Variants in DAB1 observed in about 807,000 individuals in gnomAD.
DAB1 encodes DAB adaptor protein 1, also known as disabled homolog 1.
In DAB1, 15 loss-of-function variants were observed where a neutral mutation model predicts 64.6. That is an observed-to-expected ratio of 0.23 (90% confidence interval 0.16 to 0.36). DAB1 has a LOEUF of 0.36. Among genes scored for constraint, DAB1 ranks in the 10% least tolerant of loss-of-function variants. The pLI is 1.00. For missense variants in DAB1, 596 were observed against 706.7 expected, an observed-to-expected ratio of 0.84 and a Z score of 1.78; for synonymous variants, 235 against 251.9, an observed-to-expected ratio of 0.93 and a Z score of 0.64.
chr1:57,119,624 G>A (rs1656455364), intron 4 of DAB1, among the ~76,000 whole-genome samples: 1 of 152,162 alleles, frequency 6.6e-6, no homozygotes, highest in South Asian at 2.1e-4. Context: ...TCAGAAGTGT[G>A]ACAGAACTGA....
At position 57,226,871 on chromosome 1, in the gene DAB1, T is replaced by C. The variant is rs181780286; in HGVS notation, c.67+64093A>G. On this transcript the variant is annotated intron_variant, in intron 2 of 14. Coordinates refer to ENST00000371236, the MANE Select transcript of DAB1 (RefSeq NM_001365792.1). Reference sequence around the variant, plus strand: ...TATCACCCATCCTGCCATGAAACCATTTCATTCTTTAAATCCAATAAATGG... The same window carrying C: ...TATCACCCATCCTGCCATGAAACCACTTCATTCTTTAAATCCAATAAATGG... Among the ~76,000 whole-genome samples the C allele has an allele frequency of 1.3e-3, 203 of 151,936 alleles. 1 individual carries two copies. Among genetic ancestry groups the C allele is most frequent in the Non-Finnish European group, 2.3e-3 (159 of 67,948 alleles).
chr1:57,540,899 T>C (rs899380547), intron 7 of DAB1, among the ~76,000 whole-genome samples: 4 of 152,170 alleles, frequency 2.6e-5, no homozygotes, highest in Admixed American at 2.6e-4. Context: ...AAAGTCCTAA[T>C]GTTTAATAAC....
At chr1:57,044,815 A>G (rs1189341738) in intron 9 of DAB1, among the ~76,000 whole-genome samples, 1 of 152,238 alleles carries the variant, frequency 6.6e-6, no homozygotes, top group Non-Finnish European at 1.5e-5. Context: ...AATGGGTCAC[A>G]GGGTAATATT....
At chr1:57,054,039 T>C (rs1649492741) in intron 9 of DAB1, among the ~76,000 whole-genome samples, 1 of 152,122 alleles carries the variant, frequency 6.6e-6, no homozygotes, top group South Asian at 2.1e-4. Flanking sequence ...CACTGACTGG[T>C]TATTACTGAT....
At chr1:57,088,339 G>A (rs942822124) in intron 4 of DAB1, among the ~76,000 whole-genome samples, 9 of 152,240 alleles carry the variant, frequency 5.9e-5, no homozygotes, top group African/African-American at 1.4e-4. Flanking sequence ...CCAAAGTGTC[G>A]GGATTACAGG....
At chr1:57,009,845 A>C (rs706352) in intron 14 of DAB1, among the ~76,000 whole-genome samples, 6,142 of 152,302 alleles carry the variant, frequency 0.04, 395 homozygotes, top group African/African-American at 0.14. Context: ...TTCAAGTGCC[A>C]AAAGCCACTT....
intron 1 of DAB1, among the ~76,000 whole-genome samples, chr1:57,331,315 C>T (rs542548390): frequency 7.2e-5 from 11 of 152,182 alleles, no homozygotes; most frequent in South Asian, 2.1e-4. Context: ...TTTACCCTCC[C>T]GGTAACCTTA....
chr1:58,373,306 A>G (rs898893838), intron 3 of DAB1, among the ~76,000 whole-genome samples: 60 of 131,676 alleles, frequency 4.6e-4, no homozygotes, highest in African/African-American at 1.4e-3. Context: ...ATATCTCCCA[A>G]TGCTATCCCT....
At chr1:57,916,930 C>G (rs1346818533) in intron 5 of DAB1, among the ~76,000 whole-genome samples, 2 of 147,912 alleles carry the variant, frequency 1.4e-5, no homozygotes, top group African/African-American at 5.0e-5. Context: ...GTGTCAAGAG[C>G]GAAACTCTGT....
Position 58,474,001 on chromosome 1 carries a change from T to C in DAB1, n.257+32059A>G, listed in dbSNP as rs1377580804. 4.1e-6 allele frequency: 5 copies of C among 1,206,198 alleles called. No individual in the cohort carries two copies. The Admixed American group carries it at 6.9e-5, about 17-fold the overall frequency. The allele number at this position is 1,206,198 out of a possible 1,614,324, so 74.7% of individuals were successfully genotyped here. A position where few individuals can be genotyped will look rare whatever the true frequency, so the allele number is the denominator to read the frequency against. On this transcript the variant is annotated intron_variant and non_coding_transcript_variant, in intron 3 of 20. Transcript: ENST00000485760. ...ATGCACGTAAATATCACTTTATGCC[T>C]GGACTTTGATTTCCGAGTCAAACTT...
intron 5 of DAB1, among the ~76,000 whole-genome samples, chr1:58,033,395 T>C (rs1367620102): frequency 3.9e-5 from 6 of 152,162 alleles, no homozygotes; most frequent in African/African-American, 1.4e-4. Flanking sequence ...CCATACAACT[T>C]CACGGTTCCT....
At chr1:57,366,632 C>T (rs1339984900) in intron 1 of DAB1, among the ~76,000 whole-genome samples, 1 of 152,214 alleles carries the variant, frequency 6.6e-6, no homozygotes, top group South Asian at 2.1e-4. Flanking sequence ...AAAAGCTTAT[C>T]ATATACCAGA....
At position 57,710,540 on chromosome 1, in the gene DAB1, C is replaced by T. The variant is rs533985695; in HGVS notation, n.552-60875G>A. ...ACCATGAGAGAGCTTAAGTATTAGT[C>T]GGTTTTCCCAAAGTTGACTTAAAAC... On this transcript the variant is annotated intron_variant and non_coding_transcript_variant, in intron 6 of 20. Transcript: ENST00000485760. 6.0e-4 allele frequency among the ~76,000 whole-genome samples: 91 copies of T among 152,190 alleles called. 1 individual carries two copies. The highest frequency in any genetic ancestry group is 1.9e-3 in the African/African-American group (80 of 41,532).
intron 4 of DAB1, among the ~76,000 whole-genome samples, chr1:58,254,437 C>T (rs1385928723): frequency 7.0e-6 from 1 of 142,226 alleles, no homozygotes; most frequent in Non-Finnish European, 1.5e-5. Flanking sequence ...TACATGTGCA[C>T]ATTGTGCAGG....
At chr1:57,386,004 T>C (rs1681784733) in intron 1 of DAB1, among the ~76,000 whole-genome samples, 2 of 152,252 alleles carry the variant, frequency 1.3e-5, no homozygotes, top group South Asian at 2.1e-4. Context: ...CCAAATGGTG[T>C]CACTCCCCAG....
intron 1 of DAB1, among the ~76,000 whole-genome samples, chr1:57,391,666 T>G (rs186250704): frequency 6.6e-6 from 1 of 152,212 alleles, no homozygotes. Flanking sequence ...AAATGTGTCT[T>G]GATGCTATCA....
At chr1:57,468,583 T>G (rs1313010790) in intron 7 of DAB1, among the ~76,000 whole-genome samples, 2 of 152,110 alleles carry the variant, frequency 1.3e-5, no homozygotes, top group African/African-American at 4.8e-5. Flanking sequence ...CAGACAGGGT[T>G]GGTATGGCAG....
chr1:57,111,879 G>C (rs900478916), intron 4 of DAB1, among the ~76,000 whole-genome samples: 4 of 152,144 alleles, frequency 2.6e-5, no homozygotes, highest in African/African-American at 9.7e-5. Context: ...CCCAAGTCTA[G>C]GATGCATTTG....
At chr1:58,237,309 A>C (rs1375005424) in intron 4 of DAB1, among the ~76,000 whole-genome samples, 1 of 152,220 alleles carries the variant, frequency 6.6e-6, no homozygotes, top group East Asian at 1.9e-4. Flanking sequence ...CATGTACTCT[A>C]TGTAAGACAC....
Sources: allele counts gnomAD v4.1 joint callset (sites outside exome capture counted in the v4.1 genomes callset), GRCh38; gene constraint gnomAD v4.1.1; transcripts MANE v1.5; gene names NCBI Gene and HGNC (gene_info 2026-07-23, HGNC 2026-07-21).